The following SLC20A2 variants were observed in gnomAD, a reference collection of about 807,000 sequenced individuals.
SLC20A2 encodes sodium-dependent phosphate transporter 2.
A neutral mutation model predicts 61.0 loss-of-function variants in SLC20A2; 30 were observed. The observed-to-expected ratio is 0.49, with a 90% CI of 0.37 to 0.67. The LOEUF (loss-of-function observed/expected upper bound fraction) is 0.67. SLC20A2 is among the 30% of genes least tolerant of loss of function. SLC20A2 has a pLI of 0.00. For missense variants in SLC20A2, 626 were observed against 866.4 expected, an observed-to-expected ratio of 0.72 and a Z score of 3.48; for synonymous variants, 351 against 353.3, an observed-to-expected ratio of 0.99 and a Z score of 0.07.
At chr8:42,451,311 A>AAGG (rs1240342812) in intron 5 of SLC20A2, among the ~76,000 whole-genome samples, 2 of 143,714 alleles carry the variant, frequency 1.4e-5, no homozygotes, top group Non-Finnish European at 3.1e-5. Context: ...AGGAAGAGAT[A>AAGG]AGGAGGAGGA....
upstream of SLC20A2, chr8:42,541,941 G>C (rs974992473): frequency 2.6e-5 from 4 of 152,218 alleles, no homozygotes; most frequent in African/African-American, 9.6e-5. Flanking sequence ...CGGGCCAGTT[G>C]CGGCGGCCCA....
At chr8:42,481,557 G>A (rs1808552355) in intron 1 of SLC20A2, among the ~76,000 whole-genome samples, 1 of 152,170 alleles carries the variant, frequency 6.6e-6, no homozygotes, top group South Asian at 2.1e-4. Flanking sequence ...CAAGAATGCT[G>A]CCGGGCTCTC....
intron 1 of SLC20A2, among the ~76,000 whole-genome samples, chr8:42,523,999 C>T (rs1221027429): frequency 3.9e-5 from 6 of 152,304 alleles, no homozygotes; most frequent in Admixed American, 2.6e-4. Flanking sequence ...ATCAATCTTT[C>T]GGCCTCGAAG....
intron 1 of SLC20A2, among the ~76,000 whole-genome samples, chr8:42,486,140 C>CTG (rs59925363): frequency 0.32 from 47,282 of 148,890 alleles, 7,516 homozygotes; most frequent in East Asian, 0.44. Flanking sequence ...AGCTCTCTCA[C>CTG]TGTGTGTGTG....
intron 2 of SLC20A2, 138 bp from the exon 3 acceptor site, chr8:42,466,055 A>T: frequency 1.3e-6 from 1 of 757,330 alleles, no homozygotes; most frequent in Non-Finnish European, 2.0e-6. Flanking sequence ...AAAGCGCTAC[A>T]GCCTGGACAA....
chr8:42,428,558 G>A (rs1318123447), intron 10 of SLC20A2, among the ~76,000 whole-genome samples, 200 bp downstream of exon 10: 1 of 152,258 alleles, frequency 6.6e-6, no homozygotes. Context: ...AGGTCTGAAC[G>A]AGAGATAGTG....
intron 1 of SLC20A2, among the ~76,000 whole-genome samples, chr8:42,481,025 C>G (rs548423468): frequency 6.6e-6 from 1 of 152,122 alleles, no homozygotes; most frequent in African/African-American, 2.4e-5. Context: ...CAGTTCTTCC[C>G]TCATCTTCCT....
chr8:42,441,564 G>A (rs964928319), intron 6 of SLC20A2, among the ~76,000 whole-genome samples: 1 of 151,216 alleles, frequency 6.6e-6, no homozygotes, highest in Admixed American at 6.6e-5. Context: ...TGACTCCATG[G>A]TTCAAGCGAT....
At chr8:42,447,706 G>T (rs1259112429) in intron 5 of SLC20A2, among the ~76,000 whole-genome samples, 1 of 152,128 alleles carries the variant, frequency 6.6e-6, no homozygotes, top group Non-Finnish European at 1.5e-5. Flanking sequence ...TTTTATAATT[G>T]TAAGAGATAG....
At position 42,530,602 on chromosome 8, in the gene SLC20A2, T is replaced by C. The variant is rs1586281912; in HGVS notation, c.-265+11219A>G. 3.9e-5 allele frequency among the ~76,000 whole-genome samples: 6 copies of C among 152,314 alleles called. No homozygotes were observed. In the East Asian group the frequency reaches 7.7e-4, roughly 20 times the overall value. On this transcript the variant is annotated intron_variant, in intron 1 of 10. Transcript: ENST00000342228. ...GCTCAACTGTTGCAAATTTTGAGAA[T>C]GGATTTATGGAAGACACAAAAGTCA...
intron 4 of SLC20A2, 66 bp from the exon 5 acceptor site, chr8:42,460,058 CA>C: frequency 1.2e-6 from 1 of 829,864 alleles, no homozygotes; most frequent in Non-Finnish European, 2.0e-6. Context: ...CCAACACAGA[CA>C]AAATGATACA....
rs368076501 is a variant in SLC20A2 at position 42,472,213 on chromosome 8, C to T, written c.178G>A (p.Val60Met). The T allele has an allele frequency of 3.9e-5, 63 of 1,614,046 alleles. 2 individuals carry two copies. The South Asian group carries it at 5.3e-4, about 14-fold the overall frequency. Residue 60 changes from valine to methionine, a missense_variant, in exon 2 of 11, where the codon GTG becomes ATG. Val to Met is a conservative substitution (Grantham distance 21). Coordinates refer to ENST00000520262, the MANE Select transcript of SLC20A2 (RefSeq NM_001257180.2). The surrounding 1 kb of genome is among the most constrained non-coding windows in gnomAD (Gnocchi z 4.1). ...LASIFETTGSVLLGAKVGETI... is the reference protein window; with the variant it reads ...LASIFETTGSMLLGAKVGETI... ...TCTCCTACTTTGGCGCCTAGTAACACGGAGCCGGTGGTTTCAAATATTGAA... is the reference window on the plus strand; with the variant it reads ...TCTCCTACTTTGGCGCCTAGTAACATGGAGCCGGTGGTTTCAAATATTGAA...
chr8:42,451,828 T>G (rs1402659074), intron 5 of SLC20A2, among the ~76,000 whole-genome samples: 135 of 70,946 alleles, frequency 1.9e-3, no homozygotes, highest in Admixed American at 3.0e-3. Flanking sequence ...AAGGAAGAGA[T>G]GAGGAGGAGA....
intron 7 of SLC20A2, among the ~76,000 whole-genome samples, chr8:42,439,239 T>G (rs1273468169): frequency 6.6e-6 from 1 of 152,206 alleles, no homozygotes; most frequent in Non-Finnish European, 1.5e-5. Flanking sequence ...AAACAGCTCT[T>G]GGAAGAAATC....
intron 5 of SLC20A2, among the ~76,000 whole-genome samples, chr8:42,452,294 T>G (rs1327669868): frequency 4.8e-5 from 5 of 103,100 alleles, no homozygotes; most frequent in African/African-American, 1.2e-4. Flanking sequence ...CAGGAAGAGA[T>G]GGAGGAGGTG....
chr8:42,489,585 T>C (rs540942990), intron 1 of SLC20A2, among the ~76,000 whole-genome samples: 2 of 152,342 alleles, frequency 1.3e-5, no homozygotes, highest in East Asian at 1.9e-4. Context: ...TGTCACTTAA[T>C]TGTGTGGGTA....
chr8:42,507,325 A>G (rs1409852058), intron 1 of SLC20A2, among the ~76,000 whole-genome samples: 1 of 152,038 alleles, frequency 6.6e-6, no homozygotes, highest in Non-Finnish European at 1.5e-5. Context: ...GTTCACATAC[A>G]TACAAACAGA....
chr8:42,472,067 G>A lies in SLC20A2; in HGVS notation c.289+35C>T, dbSNP rs79032064. 484 of 1,594,782 alleles carry A rather than the reference G, an allele frequency of 3.0e-4. 2 individuals are homozygous for A. The East Asian group carries it at 9.5e-3, about 31-fold the overall frequency. ...ACTGCAGGGAAGCGGGTCAGTGGGC[G>A]GATGTCCCATCGGTATAGAGAAGAG... On this transcript the variant is annotated intron_variant, in intron 2 of 10. Transcript: ENST00000520262. This position sits in a 1 kb window ranked among gnomAD's most constrained non-coding sequence, Gnocchi z 4.1.
In SLC20A2 at chr8:42,417,180, T is replaced by C. The variant is rs1563429279; in HGVS notation, c.*623A>G. 6.6e-6 allele frequency: 1 copy of C among 152,648 alleles called. No homozygotes were observed. The highest frequency in any genetic ancestry group is 1.9e-4 in the East Asian group (1 of 5,198). 9.5% of individuals were successfully genotyped at this position (152,648 alleles called of 1,614,324 possible). ...CATTAAAAAATTACAGTTTTACGTA[T>C]TTACAAAAGCAATGATGATATATTA... On this transcript the variant is annotated 3_prime_UTR_variant, in exon 11 of 11. Transcript: ENST00000520262.
Sources: allele counts gnomAD v4.1 joint callset (sites outside exome capture counted in the v4.1 genomes callset), GRCh38; gene constraint gnomAD v4.1.1; non-coding constraint Gnocchi (gnomAD v3.1); transcripts MANE v1.5; gene names NCBI Gene and HGNC (gene_info 2026-07-23, HGNC 2026-07-21).